URB1: variants seen among roughly 807,000 people sequenced by gnomAD.
URB1 encodes URB1 ribosome biogenesis factor.
Under a neutral mutation model 242.3 loss-of-function variants are expected in URB1, and 197 were observed. The observed-to-expected ratio is 0.81, with a 90% confidence interval of 0.72 to 0.91. The LOEUF is 0.91. Among genes scored for constraint, URB1 ranks in the 40% least tolerant of loss-of-function variants. URB1 has a pLI of 0.00. For synonymous variants in URB1, 1,153 were observed against 1,201.8 expected (o/e 0.96, Z 0.84); for missense variants, 2,721 against 2,860.5 (o/e 0.95, Z 1.11).
chr21:32,378,529 C>T lies in URB1; in HGVS notation c.580G>A (p.Val194Ile), dbSNP rs1478018837. Residue 194 changes from valine (V) to isoleucine (I), a missense_variant, in exon 5 of 39, where the codon GTT becomes ATT. Coordinates refer to ENST00000382751, the MANE Select transcript of URB1 (RefSeq NM_014825.3). ...TKRDSKGVYD[V>I]RQAYVQFALS... ...GCAAACTGAACGTAGGCCTGCCGAA[C>T]GTCGTACACTCCCTAGAGGACAAAG... The T allele has an allele frequency of 2.6e-6, 4 of 1,551,562 alleles. No homozygotes were observed. The highest frequency in any genetic ancestry group is 2.6e-6 in the Non-Finnish European group (3 of 1,146,972).
intron 17 of URB1, 97 bp from the exon 18 acceptor site, chr21:32,354,200 A>C: frequency 7.1e-7 from 1 of 1,410,682 alleles, no homozygotes; most frequent in South Asian, 1.4e-5. Flanking sequence ...ACGTGCAAAA[A>C]GAAAAAAGCC....
Position 32,314,015 on chromosome 21 carries a change from T to A in URB1, c.*903A>T, listed in dbSNP as rs2032637142. On this transcript the variant is annotated 3_prime_UTR_variant, in exon 39 of 39. Coordinates refer to ENST00000382751, the MANE Select transcript of URB1 (RefSeq NM_014825.3). ...CAAAATCCCCTCTTTGAAGTATAGC[T>A]TTAAAAATTACAGGCTGTCTTCTCA... 1 of 154,008 alleles carries A rather than the reference T, an allele frequency of 6.5e-6. No individual in the cohort carries two copies. Among genetic ancestry groups the A allele is most frequent in the Non-Finnish European group, 1.4e-5 (1 of 69,288 alleles). The allele number at this position is 154,008 out of a possible 1,614,324, so 9.5% of individuals were successfully genotyped here. A position where few individuals can be genotyped will look rare whatever the true frequency, so the allele number is the denominator to read the frequency against.
rs369185978 is a variant in URB1 at position 32,316,877 on chromosome 21, G to A, written c.6223C>T (p.Pro2075Ser). The change falls in exon 38 of 39, where the codon CCC becomes TCC. Residue 2075 changes from proline to serine, a missense_variant. Coordinates refer to ENST00000382751, the MANE Select transcript of URB1 (RefSeq NM_014825.3). ...YWRPVIPGPD[P>S]TQEPVDSASP... ...GCTGAGTCCACAGGCTCCTGAGTGG[G>A]GTCAGGACCAGGGATCACTGGTCTC... The A allele has an allele frequency of 6.4e-7, 1 of 1,551,416 alleles. No individual in the cohort carries two copies. Among genetic ancestry groups the A allele is most frequent in the African/African-American group, 1.4e-5 (1 of 73,048 alleles).
At chr21:32,337,721 T>C (rs2032978536) in intron 26 of URB1, among the ~76,000 whole-genome samples, 1 of 151,790 alleles carries the variant, frequency 6.6e-6, no homozygotes, top group East Asian at 1.9e-4. Flanking sequence ...TTTTTTGAGA[T>C]GAGGTCGTGC....
chr21:32,311,618 AG>A lies in URB1; in HGVS notation c.*3299del, dbSNP rs2032574092. ...TGGCAGGTGTGGCAGGAAACCCCCC[AG>A]CCCCACAGTATGGACTGTTCTGCAG... On this transcript the variant is annotated 3_prime_UTR_variant, in exon 39 of 39. Transcript: ENST00000382751. 1 of 1,562,394 alleles carries A rather than the reference AG, an allele frequency of 6.4e-7. No homozygotes were observed. Among genetic ancestry groups the A allele is most frequent in the African/African-American group, 1.4e-5 (1 of 73,664 alleles).
At chr21:32,321,981 G>C in intron 33 of URB1, 37 bp from the exon 34 acceptor site, 1 of 1,544,158 alleles carries the variant, frequency 6.5e-7, no homozygotes, top group African/African-American at 1.4e-5. Context: ...TTGTTAATAA[G>C]TGAAAGTCCT....
intron 26 of URB1, among the ~76,000 whole-genome samples, 164 bp downstream of exon 26, chr21:32,338,543 T>C (rs561439459): frequency 6.6e-6 from 1 of 152,184 alleles, no homozygotes; most frequent in Admixed American, 6.5e-5. Context: ...AGAGGAGACA[T>C]TTCTTCACCC....
intron 20 of URB1, 75 bp from the exon 21 acceptor site, chr21:32,349,558 CGTGTTTTCA>C: frequency 7.0e-7 from 1 of 1,432,764 alleles, no homozygotes; most frequent in Admixed American, 2.8e-5. Flanking sequence ...TTCCAGGGCC[CGTGTTTTCA>C]GAGCAGGAGA....
intron 22 of URB1, among the ~76,000 whole-genome samples, chr21:32,345,820 G>A (rs945702270): frequency 2.0e-5 from 3 of 152,088 alleles, no homozygotes; most frequent in African/African-American, 4.8e-5. Flanking sequence ...TCAACACAGG[G>A]GGCCCTGGCT....
chr21:32,333,562 TG>T (rs111375733), intron 29 of URB1, 143 bp from the exon 30 acceptor site: 11 of 657,278 alleles, frequency 1.7e-5, no homozygotes, highest in African/African-American at 3.6e-5. Flanking sequence ...ATCTTGGGGA[TG>T]GGAGCCAAGT....
At chr21:32,371,094 T>A (rs979612623) in intron 8 of URB1, among the ~76,000 whole-genome samples, 1 of 152,188 alleles carries the variant, frequency 6.6e-6, no homozygotes, top group East Asian at 1.9e-4. Flanking sequence ...GAAAGGGCTG[T>A]CCGGGAAGGC....
intron 9 of URB1, among the ~76,000 whole-genome samples, chr21:32,367,772 G>A (rs373922400): frequency 4.6e-5 from 7 of 152,128 alleles, no homozygotes; most frequent in African/African-American, 1.4e-4. Flanking sequence ...TACTTTTTAT[G>A]AGCCCAGATG....
chr21:32,382,523 T>C (rs1276573632), intron 4 of URB1, among the ~76,000 whole-genome samples: 1 of 152,130 alleles, frequency 6.6e-6, no homozygotes, highest in Non-Finnish European at 1.5e-5. Flanking sequence ...ATGTAGAAAC[T>C]CTTAGTTCCC....
chr21:32,357,420 A>G, intron 15 of URB1, 117 bp downstream of exon 15: 1 of 1,170,178 alleles, frequency 8.5e-7, no homozygotes, highest in Non-Finnish European at 1.1e-6. Context: ...CTTCTATTTT[A>G]AAACTAAAAA....
At chr21:32,347,881 G>T in intron 21 of URB1, 70 bp from the exon 22 acceptor site, 1 of 1,461,852 alleles carries the variant, frequency 6.8e-7, no homozygotes. Context: ...CAGCTGCCAC[G>T]CAAGTATTCA....
At position 32,354,945 on chromosome 21, in the gene URB1, T is replaced by A; in HGVS notation, c.2159A>T (p.Asp720Val). 1 of 1,552,294 alleles carries A rather than the reference T, an allele frequency of 6.4e-7. No homozygotes were observed. Among genetic ancestry groups the A allele is most frequent in the South Asian group, 1.2e-5 (1 of 84,062 alleles). The change falls in exon 17 of 39, where the codon GAC becomes GTC. Residue 720 changes from aspartate (D) to valine (V), a missense_variant. By Grantham distance (152) the Asp-to-Val change is radical. Coordinates refer to ENST00000382751, the MANE Select transcript of URB1 (RefSeq NM_014825.3). ...NPYSYTDKAS[D>V]FVQEASMLQA... is the part of the protein sequence containing the mutation. ...CAGCATGCTTGCTTCTTGGACAAAG[T>A]CAGATGCTTTGTCTGTGTATGAATA... is the stretch of plus-strand genomic sequence containing the variant.
At chr21:32,359,985 G>T in intron 13 of URB1, 77 bp from the exon 14 acceptor site, 2 of 1,295,030 alleles carry the variant, frequency 1.5e-6, no homozygotes, top group Non-Finnish European at 2.1e-6. Flanking sequence ...TGGCCAGAAG[G>T]ACAAGGAACT....
At chr21:32,319,462 A>C (rs996964285) in intron 35 of URB1, 48 bp from the exon 36 acceptor site, 2 of 1,446,412 alleles carry the variant, frequency 1.4e-6, no homozygotes, top group Non-Finnish European at 1.8e-6. Flanking sequence ...CTGACCTTTC[A>C]GCAGGATCAG....
chr21:32,314,326 A>G lies in URB1; in HGVS notation c.*592T>C. On this transcript the variant is annotated 3_prime_UTR_variant, in exon 39 of 39. Transcript: ENST00000382751. ...TAGCCTCCCGAGTAGCTGGAATTAC[A>G]GGTGTGCGCTACCATGCCTGGCTAA... 2.3e-6 allele frequency: 1 copy of G among 443,350 alleles called. No homozygotes were observed. Among genetic ancestry groups the G allele is most frequent in the Non-Finnish European group, 4.2e-6 (1 of 237,424 alleles). 27.5% of individuals were successfully genotyped at this position (443,350 alleles called of 1,614,324 possible).
Sources: gnomAD v4.1 joint callset for allele counts (sites outside exome capture counted in the v4.1 genomes callset) on GRCh38, gnomAD v4.1.1 for gene constraint, MANE v1.5 for transcripts, NCBI Gene and HGNC (gene_info 2026-07-23, HGNC 2026-07-21) for gene names.